The following COX7A2L variants were observed in gnomAD, a reference collection of about 807,000 sequenced individuals.
COX7A2L encodes cytochrome c oxidase subunit 7A2-like, mitochondrial.
COX7A2L carries 18 observed loss-of-function variants against 14.2 expected under a neutral mutation model. That is an observed-to-expected ratio of 1.27 (90% CI 0.88 to 1.88). COX7A2L has a LOEUF of 1.88. Among genes scored for constraint, COX7A2L ranks in the 40% most tolerant of loss-of-function variants. The pLI, the probability that COX7A2L is intolerant of heterozygous loss-of-function variation, is 0.00. For missense variants in COX7A2L, 179 were observed against 138.8 expected, an observed-to-expected ratio of 1.29 and a Z score of -1.46; for synonymous variants, 65 against 57.4, an observed-to-expected ratio of 1.13 and a Z score of -0.60.
intron 2 of COX7A2L, among the ~76,000 whole-genome samples, chr2:42,343,238 G>A (rs1219262505): frequency 2.0e-5 from 3 of 152,176 alleles, no homozygotes; most frequent in Non-Finnish European, 2.9e-5. Flanking sequence ...GTCACAGAGA[G>A]CTCCCAGATC....
intron 1 of COX7A2L, among the ~76,000 whole-genome samples, chr2:42,357,168 T>G (rs1172437658): frequency 6.6e-6 from 1 of 152,228 alleles, no homozygotes; most frequent in Non-Finnish European, 1.5e-5. Flanking sequence ...TTCTTCTACC[T>G]CTTAGGTTTG....
rs559250744 is a variant in COX7A2L, at chr2:42,338,120, G to A, written c.193-4251C>T. Among the ~76,000 whole-genome samples the A allele has an allele frequency of 6.6e-6, 1 of 152,142 alleles. No individual in the cohort carries two copies. Among genetic ancestry groups the A allele is most frequent in the Admixed American group, 6.5e-5 (1 of 15,276 alleles). ...TCTTCTGGTCCGCCCCTCCGATGAC[G>A]GTTGGTTGGTCCATAACCCTACTCC... On this transcript the variant is annotated intron_variant, in intron 2 of 2. Transcript: ENST00000468711. The surrounding 1 kb of genome is among the most constrained non-coding windows in gnomAD (Gnocchi z 4.4).
At chr2:42,345,330 C>G (rs548448131), downstream of COX7A2L, among the ~76,000 whole-genome samples, 1 of 152,238 alleles carries the variant, frequency 6.6e-6, no homozygotes, top group East Asian at 1.9e-4. Flanking sequence ...TTGCAGTGAG[C>G]CGAGAATGTA....
At chr2:42,341,493 G>C (rs968259034) in intron 2 of COX7A2L, among the ~76,000 whole-genome samples, 3 of 152,110 alleles carry the variant, frequency 2.0e-5, no homozygotes, top group African/African-American at 4.8e-5. Context: ...ATTGCTTTTT[G>C]CAAGTCATGT....
At chr2:42,343,970 G>A (rs1011775582) in intron 2 of COX7A2L, among the ~76,000 whole-genome samples, 1 of 152,198 alleles carries the variant, frequency 6.6e-6, no homozygotes, top group Non-Finnish European at 1.5e-5. Flanking sequence ...AAGCTAGTCA[G>A]ACCCTGAAAG....
chr2:42,349,320 G>A (rs1670566210), downstream of COX7A2L: 1 of 152,128 alleles, frequency 6.6e-6, no homozygotes, highest in Non-Finnish European at 1.5e-5. Context: ...TTAAAAACAT[G>A]ACACTGAGAG....
At position 42,336,176 on chromosome 2, in the gene COX7A2L, C is replaced by G. The variant is rs141536184; in HGVS notation, c.193-2307G>C. Among the ~76,000 whole-genome samples, 30 of 152,318 alleles carry G rather than the reference C, an allele frequency of 2.0e-4. 2 individuals are homozygous for G. The East Asian group carries it at 5.2e-3, about 26-fold the overall frequency. On this transcript the variant is annotated intron_variant, in intron 2 of 2. Coordinates refer to the COX7A2L transcript ENST00000468711. ...GTCCTCATTCCCCATCCCTCACTTC[C>G]TGTGGCCAGTGTTGGGAGGTTGGGC...
At chr2:42,335,603 A>T (rs886154649) in intron 2 of COX7A2L, among the ~76,000 whole-genome samples, 3 of 152,164 alleles carry the variant, frequency 2.0e-5, no homozygotes, top group Non-Finnish European at 4.4e-5. Flanking sequence ...CAAAATACTA[A>T]ATTCGATTAT....
Position 42,342,951 on chromosome 2 carries a change from G to A in COX7A2L, c.193-9082C>T, listed in dbSNP as rs528274242. Among the ~76,000 whole-genome samples the A allele has an allele frequency of 2.6e-5, 4 of 152,194 alleles. No homozygotes were observed. In the East Asian group the frequency reaches 7.8e-4, roughly 29 times the overall value. On this transcript the variant is annotated intron_variant, in intron 2 of 2. Coordinates refer to the COX7A2L transcript ENST00000468711. This position sits in a 1 kb window ranked among gnomAD's most constrained non-coding sequence, Gnocchi z 4.9. ...CACCGTGGAGCCACAGAGGTCAGGA[G>A]GCCTGATTCCAGCTTATGCAAGTGA...
At chr2:42,363,835 C>G (rs1344279500), upstream of COX7A2L, among the ~76,000 whole-genome samples, 2 of 152,172 alleles carry the variant, frequency 1.3e-5, no homozygotes, top group Admixed American at 1.3e-4. Flanking sequence ...TTGCCAATCA[C>G]CAGGTGAACT....
downstream of COX7A2L, among the ~76,000 whole-genome samples, chr2:42,347,713 G>A (rs2103881523): frequency 6.6e-6 from 1 of 152,298 alleles, no homozygotes; most frequent in Non-Finnish European, 1.5e-5. Flanking sequence ...CCTGAGGTCA[G>A]GAGTTCAAGA....
chr2:42,354,978 G>A (rs1474593978), intron 1 of COX7A2L, among the ~76,000 whole-genome samples: 2 of 152,152 alleles, frequency 1.3e-5, no homozygotes. Context: ...GGAAAACACT[G>A]GAGAGAGAAT....
upstream of COX7A2L, among the ~76,000 whole-genome samples, chr2:42,363,882 C>G (rs1671107665): frequency 2.0e-5 from 3 of 152,220 alleles, no homozygotes; most frequent in African/African-American, 7.2e-5. Context: ...CCTGGTGAAT[C>G]TGAATGCCGC....
intron 1 of COX7A2L, among the ~76,000 whole-genome samples, chr2:42,368,348 T>C (rs185539953): frequency 6.6e-5 from 10 of 152,378 alleles, no homozygotes; most frequent in Non-Finnish European, 1.0e-4. Context: ...AAGAATGGGT[T>C]ACATTAAATG....
At chr2:42,355,963 T>G (rs2103899932) in intron 1 of COX7A2L, among the ~76,000 whole-genome samples, 1 of 152,212 alleles carries the variant, frequency 6.6e-6, no homozygotes, top group South Asian at 2.1e-4. Flanking sequence ...TGACCTCAGG[T>G]GATCCACCAA....
At chr2:42,335,942 G>T (rs1298905806) in intron 2 of COX7A2L, among the ~76,000 whole-genome samples, 1 of 152,214 alleles carries the variant, frequency 6.6e-6, no homozygotes, top group Non-Finnish European at 1.5e-5. Flanking sequence ...CGCTAGGCTG[G>T]TTCACTGTGG....
chr2:42,342,049 C>T lies in COX7A2L; in HGVS notation c.193-8180G>A, dbSNP rs1670413042. ...GGGGAAGATGGGGTTAAAGCCCTCC[C>T]AGGTATGAACTGATTCTAGAGCATC... On this transcript the variant is annotated intron_variant, in intron 2 of 2. Transcript: ENST00000468711. This position sits in a 1 kb window ranked among gnomAD's most constrained non-coding sequence, Gnocchi z 4.9. Among the ~76,000 whole-genome samples, 1 of 152,158 alleles carries T rather than the reference C, an allele frequency of 6.6e-6. No individual in the cohort carries two copies. The highest frequency in any genetic ancestry group is 2.4e-5 in the African/African-American group (1 of 41,446).
chr2:42,368,227 G>A (rs1298806069), intron 1 of COX7A2L, among the ~76,000 whole-genome samples: 1 of 152,064 alleles, frequency 6.6e-6, no homozygotes, highest in Non-Finnish European at 1.5e-5. Context: ...TTTTTATGAA[G>A]AATCTTTTCT....
intron 1 of COX7A2L, among the ~76,000 whole-genome samples, chr2:42,358,715 T>A (rs11124873): frequency 0.32 from 48,480 of 152,116 alleles, 7,961 homozygotes; most frequent in East Asian, 0.56. Flanking sequence ...CCTATCTATA[T>A]CAAACTCATC....
Sources: allele counts gnomAD v4.1 joint callset (sites outside exome capture counted in the v4.1 genomes callset), GRCh38; gene constraint gnomAD v4.1.1; non-coding constraint Gnocchi (gnomAD v3.1); transcripts MANE v1.5; gene names NCBI Gene and HGNC (gene_info 2026-07-23, HGNC 2026-07-21).